MICAL2: variants seen among roughly 807,000 people sequenced by gnomAD.
MICAL2 encodes the protein microtubule associated monooxygenase, calponin and LIM domain containing 2.
In MICAL2, 77 loss-of-function variants were observed where a neutral mutation model predicts 127.3. That is an observed-to-expected ratio of 0.60 (90% confidence interval 0.50 to 0.73). MICAL2 has a LOEUF of 0.73. MICAL2 is among the 30% of genes least tolerant of loss of function. MICAL2 has a pLI of 0.00. For synonymous variants in MICAL2, 570 were observed against 551.1 expected, an observed-to-expected ratio of 1.03 and a Z score of -0.48; for missense variants, 1,351 against 1,434.4, an observed-to-expected ratio of 0.94 and a Z score of 0.94.
rs1303787580 is a variant in MICAL2, at chr11:12,269,682, A to C, written c.3335-6304A>C. Among the ~76,000 whole-genome samples the C allele has an allele frequency of 2.0e-5, 3 of 152,184 alleles. No homozygotes were observed. In the East Asian group the frequency reaches 5.8e-4, roughly 29 times the overall value. On this transcript the variant is annotated intron_variant, in intron 24 of 34. Coordinates refer to the MICAL2 transcript ENST00000646065. ...GCTGAGGGCCGTGGGGAAGGGGCTG[A>C]GGCTCGGCACTGCCTGTCAAAGCTT...
At chr11:12,347,421 T>TAA (rs1259919820) in intron 32 of MICAL2, among the ~76,000 whole-genome samples, 1 of 152,196 alleles carries the variant, frequency 6.6e-6, no homozygotes, top group Non-Finnish European at 1.5e-5. Context: ...CAATGTAACA[T>TAA]TATATATCAC....
At position 12,162,319 on chromosome 11, in the gene MICAL2, C is replaced by A. The variant is rs866890195; in HGVS notation, c.164C>A (p.Ser55Tyr). ...DHRNFYSKLKSKVTTWKAKAL... is the reference protein window; with the variant it reads ...DHRNFYSKLKYKVTTWKAKAL... ...AGAAACTTTTATTCCAAGCTCAAGTCCAAGGTGACCACCTGGAAAGCCAAA... is the reference window on the plus strand; with the variant it reads ...AGAAACTTTTATTCCAAGCTCAAGTACAAGGTGACCACCTGGAAAGCCAAA... Residue 55 changes from serine to tyrosine, a missense_variant, in exon 3 of 28, where the codon TCC becomes TAC. Around this residue, in one of 2 missense-constraint regions of MICAL2, gnomAD observed 599 missense variants for 714.9 expected, o/e 0.84. Transcript: ENST00000683283. 2 of 1,614,236 alleles carry A rather than the reference C, an allele frequency of 1.2e-6. No homozygotes were observed. The highest frequency in any genetic ancestry group is 2.7e-5 in the African/African-American group (2 of 75,050).
At chr11:12,194,216 G>T (rs1438198581) in intron 3 of MICAL2, among the ~76,000 whole-genome samples, 4 of 152,196 alleles carry the variant, frequency 2.6e-5, no homozygotes, top group Non-Finnish European at 5.9e-5. Context: ...CTCACTATCT[G>T]CTGTCATCTC....
intron 29 of MICAL2, among the ~76,000 whole-genome samples, chr11:12,299,188 T>C (rs1316513338): frequency 2.0e-5 from 3 of 152,218 alleles, no homozygotes; most frequent in Non-Finnish European, 4.4e-5. Context: ...TAGAAGAGTT[T>C]TGTGTTTCTT....
intron 2 of MICAL2, among the ~76,000 whole-genome samples, chr11:12,158,420 T>C (rs950272775): frequency 6.6e-6 from 1 of 151,912 alleles, no homozygotes; most frequent in South Asian, 2.1e-4. Flanking sequence ...TAGAGCCCCA[T>C]GAAGTGAGGA....
intron 8 of MICAL2, among the ~76,000 whole-genome samples, chr11:12,216,743 A>G (rs1221790163): frequency 6.6e-6 from 1 of 152,148 alleles, no homozygotes; most frequent in Non-Finnish European, 1.5e-5. Flanking sequence ...TTCATTATTC[A>G]TGCAGTCAAA....
chr11:12,241,201 A>G (rs759155876), intron 18 of MICAL2, 39 bp downstream of exon 18: 2 of 1,594,242 alleles, frequency 1.3e-6, no homozygotes, highest in Non-Finnish European at 1.7e-6. Flanking sequence ...TGGTGAAGCC[A>G]GAGGGGACTT....
At chr11:12,253,035 A>T (rs1481288379) in intron 22 of MICAL2, 3 of 152,260 alleles carry the variant, frequency 2.0e-5, no homozygotes, top group African/African-American at 7.2e-5. Context: ...TTTACCTCCC[A>T]CAAGAAGAGA....
rs765818794 is a variant in MICAL2, at chr11:12,226,168, T to C, written c.1689-3T>C. On this transcript the variant is annotated splice_region_variant and splice_polypyrimidine_tract_variant and intron_variant, in intron 13 of 27. Transcript: ENST00000683283. The stretch of plus-strand genomic sequence containing the variant: ...ATTTCTCTGCTTTGTTTTGATTCTC[T>C]AGCAACTTTGACTCTTTGAATGAAG... 18 of 1,614,070 alleles carry C rather than the reference T, an allele frequency of 1.1e-5. No homozygotes were observed. The highest frequency in any genetic ancestry group is 1.5e-5 in the Non-Finnish European group (18 of 1,180,016).
At chr11:12,320,538 T>C (rs1427115176) in intron 30 of MICAL2, among the ~76,000 whole-genome samples, 1 of 151,534 alleles carries the variant, frequency 6.6e-6, no homozygotes, top group East Asian at 1.9e-4. Context: ...CTTGGTGGGG[T>C]GGGGGTGGCA....
chr11:12,257,788 C>G (rs750843605), intron 24 of MICAL2, among the ~76,000 whole-genome samples: 1 of 152,184 alleles, frequency 6.6e-6, no homozygotes, highest in Non-Finnish European at 1.5e-5. Context: ...CCTACTGTTA[C>G]AATTTTTACT....
intron 2 of MICAL2, 196 bp from the exon 3 acceptor site, chr11:12,161,883 A>G: frequency 2.0e-6 from 1 of 489,828 alleles, no homozygotes. Flanking sequence ...GGAAGAGATT[A>G]CCTGCAATGC....
intron 29 of MICAL2, among the ~76,000 whole-genome samples, chr11:12,313,094 A>T (rs980813231): frequency 1.4e-5 from 2 of 141,250 alleles, no homozygotes; most frequent in South Asian, 2.4e-4. Flanking sequence ...CGTGAACCGG[A>T]GAGGCGGAGC....
intron 32 of MICAL2, among the ~76,000 whole-genome samples, chr11:12,347,539 G>T (rs1938974755): frequency 6.6e-6 from 1 of 152,094 alleles, no homozygotes; most frequent in Non-Finnish European, 1.5e-5. Flanking sequence ...TCTAGCACCA[G>T]TTTGCCCATA....
intron 13 of MICAL2, chr11:12,225,868 A>G (rs1021799244): frequency 2.7e-6 from 1 of 368,690 alleles, no homozygotes; most frequent in South Asian, 3.8e-5. Flanking sequence ...GAAAAAAAGT[A>G]AGGGATATAT....
chr11:12,281,117 C>A (rs1179855014), intron 2 of MICAL2: 5 of 398,528 alleles, frequency 1.3e-5, no homozygotes, highest in Non-Finnish European at 1.8e-5. Context: ...GAGAGCCCAC[C>A]AGGCTTGATT....
At chr11:12,156,142 A>C (rs1854162706) in intron 2 of MICAL2, among the ~76,000 whole-genome samples, 1 of 152,092 alleles carries the variant, frequency 6.6e-6, no homozygotes, top group South Asian at 2.1e-4. Context: ...TCTCCCCAGC[A>C]CTCCAGCCCT....
At chr11:12,210,969 C>T (rs1485012555) in intron 6 of MICAL2, among the ~76,000 whole-genome samples, 1 of 152,184 alleles carries the variant, frequency 6.6e-6, no homozygotes, top group Non-Finnish European at 1.5e-5. Flanking sequence ...ACCAAGTGGC[C>T]CCTGGGAACA....
At chr11:12,129,963 T>G (rs1776296133) in intron 1 of MICAL2, among the ~76,000 whole-genome samples, 1 of 152,218 alleles carries the variant, frequency 6.6e-6, no homozygotes, top group African/African-American at 2.4e-5. Context: ...TCCTTCCATC[T>G]TGGCCTCCCA....
Sources: allele counts gnomAD v4.1 joint callset (sites outside exome capture counted in the v4.1 genomes callset), GRCh38; gene constraint gnomAD v4.1.1; regional missense constraint gnomAD v4.1.1; transcripts MANE v1.5; gene names NCBI Gene and HGNC (gene_info 2026-07-23, HGNC 2026-07-21).